Variants in RYR2 observed in about 807,000 individuals in gnomAD.
RYR2 encodes the protein cardiac muscle ryanodine receptor-calcium release channel.
A neutral mutation model predicts 601.1 loss-of-function variants in RYR2; 227 were observed. The ratio of observed to expected loss-of-function variants is 0.38; its 90% CI spans 0.34 to 0.42. The LOEUF is 0.42. RYR2 is among the 10% of genes least tolerant of loss of function. The pLI, the probability that RYR2 is intolerant of heterozygous loss-of-function variation, is 1.00. For synonymous variants in RYR2, 2,223 were observed against 2,175.1 expected (o/e 1.02, Z -0.61); for missense variants, 4,646 against 6,156.5 (o/e 0.75, Z 8.21).
At chr1:237,485,420 G>A (rs975456437) in intron 17 of RYR2, among the ~76,000 whole-genome samples, 14 of 152,154 alleles carry the variant, frequency 9.2e-5, no homozygotes, top group African/African-American at 3.1e-4. Flanking sequence ...TCAAGGGCTC[G>A]TTCTGTAATG....
At chr1:237,727,756 T>C (rs1404716028) in intron 76 of RYR2, among the ~76,000 whole-genome samples, 1 of 152,118 alleles carries the variant, frequency 6.6e-6, no homozygotes, top group Non-Finnish European at 1.5e-5. Context: ...AACTGACTTA[T>C]GGGAATAATG....
chr1:237,269,015 G>A lies in RYR2; in HGVS notation c.49-1482G>A, dbSNP rs148145251. 5.4e-3 allele frequency among the ~76,000 whole-genome samples: 790 copies of A among 147,094 alleles called. 12 individuals are homozygous for A. Among genetic ancestry groups the A allele is most frequent in the Admixed American group, 8.5e-3 (124 of 14,514 alleles). On this transcript the variant is annotated intron_variant, in intron 1 of 104. Coordinates refer to ENST00000366574, the MANE Select transcript of RYR2 (RefSeq NM_001035.3). ...AGGATTTTAAATACAAATTAGAGTG[G>A]CACCTTTCCAATTTATATAGCATAT...
At chr1:237,148,528 A>ATT (rs1674297724) in intron 1 of RYR2, among the ~76,000 whole-genome samples, 1 of 76,942 alleles carries the variant, frequency 1.3e-5, no homozygotes, top group African/African-American at 4.8e-5. Flanking sequence ...AAAAAAAAAA[A>ATT]TATATATATA....
intron 1 of RYR2, among the ~76,000 whole-genome samples, chr1:237,189,021 C>G (rs1679675535): frequency 6.6e-6 from 1 of 152,152 alleles, no homozygotes; most frequent in Admixed American, 6.5e-5. Context: ...AAATTCTGTA[C>G]CCATTTAATA....
chr1:237,209,513 G>GTGTGTGTGTGTGTGTT (rs1341763130), intron 1 of RYR2, among the ~76,000 whole-genome samples: 1 of 150,572 alleles, frequency 6.6e-6, no homozygotes, highest in Admixed American at 6.6e-5. Context: ...GTGTGTGTGT[G>GTGTGTGTGTGTGTGTT]TATTTTTTTT....
At position 237,814,958 on chromosome 1, in the gene RYR2, CTTTTTTCTTTTTTTT is replaced by C. The variant is rs1175861854; in HGVS notation, c.14434-4071_14434-4057del. Among the ~76,000 whole-genome samples, 294 of 122,600 alleles carry C rather than the reference CTTTTTTCTTTTTTTT, an allele frequency of 2.4e-3. 4 individuals carry two copies. In the Admixed American group the frequency reaches 0.025, roughly 10 times the overall value. 80.4% of individuals were successfully genotyped at this position (122,600 alleles called of 152,430 possible). A position where few individuals can be genotyped will look rare whatever the true frequency, so the allele number is the denominator to read the frequency against. ...CCAACAAATAATCTGCTCCTTTTTT[CTTTTTTCTTTTTTTT>C]TTTTTTTTTTTGCCAAGATGAAGGC... On this transcript the variant is annotated intron_variant, in intron 100 of 104. Transcript: ENST00000366574.
intron 77 of RYR2, 88 bp downstream of exon 77, chr1:237,730,444 G>A (rs1463180046): frequency 1.5e-5 from 10 of 671,460 alleles, no homozygotes; most frequent in Admixed American, 7.8e-5. Context: ...TAACATTGAA[G>A]GAAAAAATAT....
chr1:237,544,766 C>G (rs1057503712), intron 25 of RYR2, among the ~76,000 whole-genome samples: 2 of 152,072 alleles, frequency 1.3e-5, no homozygotes, highest in African/African-American at 4.8e-5. Context: ...TTCTTAGCTC[C>G]TTTGTCAGAA....
chr1:237,545,937 T>C (rs1669752255), intron 25 of RYR2, among the ~76,000 whole-genome samples: 1 of 150,440 alleles, frequency 6.6e-6, no homozygotes, highest in South Asian at 2.1e-4. Flanking sequence ...ATATATAATA[T>C]GTAAAATATA....
intron 27 of RYR2, among the ~76,000 whole-genome samples, 189 bp downstream of exon 27, chr1:237,550,880 A>C (rs1670316235): frequency 6.6e-6 from 1 of 152,152 alleles, no homozygotes; most frequent in Non-Finnish European, 1.5e-5. Flanking sequence ...GGGATGGCTC[A>C]GGATGCTGAT....
intron 71 of RYR2, among the ~76,000 whole-genome samples, chr1:237,715,776 G>A (rs1031463024): frequency 2.0e-5 from 3 of 151,984 alleles, no homozygotes; most frequent in Non-Finnish European, 2.9e-5. Context: ...CTAAATTACC[G>A]GTATTGGATA....
chr1:237,798,920 A>G (rs1164918978), intron 97 of RYR2, among the ~76,000 whole-genome samples: 1 of 152,056 alleles, frequency 6.6e-6, no homozygotes, highest in African/African-American at 2.4e-5. Context: ...TAGTCACTTA[A>G]TGATTTTGGA....
intron 25 of RYR2, among the ~76,000 whole-genome samples, chr1:237,540,911 G>GTA (rs61555601): frequency 0.03 from 4,496 of 148,674 alleles, 201 homozygotes; most frequent in African/African-American, 0.096. Flanking sequence ...ATGTGTGTGT[G>GTA]TATATATATA....
chr1:237,814,766 C>T (rs1574065612), intron 100 of RYR2, among the ~76,000 whole-genome samples: 1 of 152,036 alleles, frequency 6.6e-6, no homozygotes, highest in Middle Eastern at 3.4e-3. Context: ...GAGAGGGACC[C>T]CCTGAACCAG....
intron 1 of RYR2, among the ~76,000 whole-genome samples, chr1:237,085,354 C>T (rs923866645): frequency 2.0e-5 from 3 of 152,186 alleles, no homozygotes; most frequent in Non-Finnish European, 4.4e-5. Flanking sequence ...GTTATTGGTT[C>T]TACTATTGGA....
intron 60 of RYR2, among the ~76,000 whole-genome samples, chr1:237,677,156 TTATTA>T (rs1168552571): frequency 6.6e-6 from 1 of 152,166 alleles, no homozygotes; most frequent in East Asian, 1.9e-4. Context: ...CAAGTTATTA[TTATTA>T]TATTATTTTG....
chr1:237,597,925 C>A (rs796834863), intron 34 of RYR2, among the ~76,000 whole-genome samples: 20 of 152,056 alleles, frequency 1.3e-4, no homozygotes, highest in African/African-American at 3.9e-4. Context: ...TATATGCTGC[C>A]CACTAGAGAT....
chr1:237,406,201 TCCCC>T (rs1424188240), intron 10 of RYR2, among the ~76,000 whole-genome samples: 1 of 65,052 alleles, frequency 1.5e-5, no homozygotes, highest in Non-Finnish European at 2.7e-5. Flanking sequence ...TTCCCTTCCC[TCCCC>T]TCCCTTCCCC....
chr1:237,618,257 C>T (rs1259804989), intron 38 of RYR2, among the ~76,000 whole-genome samples: 2 of 151,820 alleles, frequency 1.3e-5, no homozygotes, highest in Admixed American at 6.6e-5. Flanking sequence ...TTGTTATAAA[C>T]AGCATTTATT....
Sources: allele counts gnomAD v4.1 joint callset (sites outside exome capture counted in the v4.1 genomes callset), GRCh38; gene constraint gnomAD v4.1.1; transcripts MANE v1.5; gene names NCBI Gene and HGNC (gene_info 2026-07-23, HGNC 2026-07-21).